The following OSBPL10 variants were observed in gnomAD, a reference collection of about 807,000 sequenced individuals.
OSBPL10 encodes the protein oxysterol binding protein like 10, also known as oxysterol-binding protein-related protein 10.
In OSBPL10, 49 loss-of-function variants were observed where a neutral mutation model predicts 81.7. That is an observed-to-expected ratio of 0.60 (90% CI 0.48 to 0.76). The LOEUF is 0.76. OSBPL10 is among the 30% of genes least tolerant of loss of function. OSBPL10 has a pLI of 0.00. For missense variants in OSBPL10, 923 were observed against 987.8 expected (o/e 0.93, Z 0.88); for synonymous variants, 419 against 383.6 (o/e 1.09, Z -1.08).
chr3:32,068,418 C>T (rs536802449), intron 1 of OSBPL10, among the ~76,000 whole-genome samples: 3 of 152,146 alleles, frequency 2.0e-5, no homozygotes, highest in Non-Finnish European at 4.4e-5. Context: ...TCCCCACCCC[C>T]CTTCTCCGTG....
upstream of OSBPL10, chr3:31,981,838 T>G (rs1029158533): frequency 2.0e-5 from 3 of 152,130 alleles, no homozygotes; most frequent in Non-Finnish European, 4.4e-5. The surrounding 1 kb of genome is among the most constrained non-coding windows in gnomAD (Gnocchi z 4.5). Flanking sequence ...CGGAGCAAAG[T>G]CACAGCTCAG....
intron 4 of OSBPL10, among the ~76,000 whole-genome samples, chr3:31,812,725 A>G (rs528280527): frequency 5.9e-5 from 1 of 16,962 alleles, no homozygotes; most frequent in African/African-American, 3.5e-4. Flanking sequence ...AAAAAAAGAA[A>G]GAAAGAAAGA....
At chr3:31,807,374 A>AAAATAAAT (rs536299438) in intron 4 of OSBPL10, among the ~76,000 whole-genome samples, 4,231 of 137,408 alleles carry the variant, frequency 0.031, 85 homozygotes, top group Middle Eastern at 0.052. Context: ...CTGTCTCAGA[A>AAAATAAAT]AAATAAATAA....
intron 3 of OSBPL10, among the ~76,000 whole-genome samples, chr3:31,841,933 A>G (rs1217063741): frequency 6.6e-6 from 1 of 152,226 alleles, no homozygotes; most frequent in African/African-American, 2.4e-5. Context: ...CAGCCATTGA[A>G]TTAGGTACAG....
intron 1 of OSBPL10, among the ~76,000 whole-genome samples, chr3:32,049,288 T>C (rs1471859456): frequency 6.6e-6 from 1 of 152,134 alleles, no homozygotes; most frequent in African/African-American, 2.4e-5. Flanking sequence ...CCTCTTGGGG[T>C]CTGGATCAGG....
intron 1 of OSBPL10, among the ~76,000 whole-genome samples, chr3:32,046,922 A>G (rs977471715): frequency 3.3e-5 from 5 of 152,204 alleles, no homozygotes; most frequent in Non-Finnish European, 5.9e-5. Flanking sequence ...AAGGGTCCCA[A>G]TCGAGACTCC....
At chr3:31,853,146 C>G (rs970143257) in intron 3 of OSBPL10, among the ~76,000 whole-genome samples, 1 of 152,092 alleles carries the variant, frequency 6.6e-6, no homozygotes, top group Non-Finnish European at 1.5e-5. Context: ...GATAAGCTGC[C>G]AAGTAGATGA....
chr3:31,855,184 C>G (rs1038129542), intron 3 of OSBPL10, among the ~76,000 whole-genome samples: 8 of 141,518 alleles, frequency 5.7e-5, no homozygotes, highest in Non-Finnish European at 1.1e-4. Flanking sequence ...GCCACCCTGG[C>G]TAATTTTTAA....
chr3:31,933,233 C>T (rs1300309506), intron 1 of OSBPL10, among the ~76,000 whole-genome samples: 2 of 152,148 alleles, frequency 1.3e-5, no homozygotes, highest in Non-Finnish European at 2.9e-5. Context: ...GAGCACCAGT[C>T]CTGCCATCCT....
chr3:32,058,286 T>C (rs2125439686), intron 1 of OSBPL10, among the ~76,000 whole-genome samples: 1 of 152,224 alleles, frequency 6.6e-6, no homozygotes, highest in South Asian at 2.1e-4. Context: ...TAGAATCTAG[T>C]TGGTAGGTAT....
chr3:31,914,368 A>G (rs549032536), intron 1 of OSBPL10, among the ~76,000 whole-genome samples: 13 of 152,358 alleles, frequency 8.5e-5, no homozygotes, highest in African/African-American at 2.9e-4. Context: ...CATCTCTACC[A>G]AGTATCAATT....
chr3:31,662,776 T>C (rs1700098750), intron 11 of OSBPL10: 4 of 985,428 alleles, frequency 4.1e-6, no homozygotes, highest in Non-Finnish European at 3.6e-6. Context: ...CTTGTTGTTG[T>C]TGCTGTTTAA....
At chr3:31,792,403 T>C (rs973544025) in intron 4 of OSBPL10, among the ~76,000 whole-genome samples, 1 of 152,186 alleles carries the variant, frequency 6.6e-6, no homozygotes, top group African/African-American at 2.4e-5. Flanking sequence ...AGGGCAGCTC[T>C]CAAACACCCC....
chr3:31,773,693 G>T (rs772947231), intron 4 of OSBPL10, among the ~76,000 whole-genome samples: 1 of 152,158 alleles, frequency 6.6e-6, no homozygotes, highest in Non-Finnish European at 1.5e-5. Context: ...ATTTGGAATA[G>T]GAATACTCAT....
chr3:32,042,606 G>A (rs1699589096), intron 2 of OSBPL10, among the ~76,000 whole-genome samples: 1 of 151,956 alleles, frequency 6.6e-6, no homozygotes, highest in Non-Finnish European at 1.5e-5. Context: ...CATAAGTGTT[G>A]GCCGGCCGAG....
intron 3 of OSBPL10, among the ~76,000 whole-genome samples, chr3:31,874,408 G>C (rs1052785086): frequency 6.6e-6 from 1 of 151,818 alleles, no homozygotes; most frequent in African/African-American, 2.4e-5. Flanking sequence ...ATTCTACAAA[G>C]CAAAAATTTT....
intron 5 of OSBPL10, among the ~76,000 whole-genome samples, chr3:31,739,926 A>C (rs1231465120): frequency 6.6e-6 from 1 of 152,180 alleles, no homozygotes; most frequent in Non-Finnish European, 1.5e-5. Flanking sequence ...TTAACTACTG[A>C]ACTTCATCTT....
chr3:31,985,569 C>T (rs191667060), upstream of OSBPL10, among the ~76,000 whole-genome samples: 300 of 152,264 alleles, frequency 2.0e-3, 1 homozygote, highest in Non-Finnish European at 3.5e-3. Flanking sequence ...GAGGCTCCCT[C>T]CTCTAGTTAG....
chr3:31,963,928 C>G (rs985982677), intron 1 of OSBPL10, among the ~76,000 whole-genome samples: 2 of 151,908 alleles, frequency 1.3e-5, no homozygotes, highest in African/African-American at 4.8e-5. Flanking sequence ...CATGCATGAC[C>G]ACACCTGGCC....
Sources: gnomAD v4.1 joint callset for allele counts (sites outside exome capture counted in the v4.1 genomes callset) on GRCh38, gnomAD v4.1.1 for gene constraint, Gnocchi (gnomAD v3.1) non-coding constraint, MANE v1.5 for transcripts, NCBI Gene and HGNC (gene_info 2026-07-23, HGNC 2026-07-21) for gene names.